Variants in DYNC1LI2 observed in about 807,000 individuals in gnomAD.
DYNC1LI2 encodes the protein cytoplasmic dynein 1 light intermediate chain 2.
A neutral mutation model predicts 57.8 loss-of-function variants in DYNC1LI2; 19 were observed. The ratio of observed to expected loss-of-function variants is 0.33; its 90% confidence interval spans 0.23 to 0.48. DYNC1LI2 has a LOEUF of 0.48. Among genes scored for constraint, DYNC1LI2 ranks in the 20% least tolerant of loss-of-function variants. The pLI, the probability that DYNC1LI2 is intolerant of heterozygous loss-of-function variation, is 0.99. For synonymous variants in DYNC1LI2, 256 were observed against 233.4 expected, an observed-to-expected ratio of 1.10 and a Z score of -0.88; for missense variants, 470 against 604.2, an observed-to-expected ratio of 0.78 and a Z score of 2.33.
chr16:66,751,193 G>A lies in DYNC1LI2; in HGVS notation c.181+80C>T. 5.4e-6 allele frequency: 8 copies of A among 1,478,172 alleles called. No individual in the cohort carries two copies. The highest frequency in any genetic ancestry group is 7.3e-6 in the Non-Finnish European group (8 of 1,091,948). 91.6% of individuals were successfully genotyped at this position (1,478,172 alleles called of 1,614,324 possible). A position where few individuals can be genotyped will look rare whatever the true frequency, so the allele number is the denominator to read the frequency against. Reference sequence around the variant, plus strand: ...GGCTGCGGGCAGGCGGCTGGAACGGGGAAGGCGGGGACCTGAGGGAGGGGC... The same window carrying A: ...GGCTGCGGGCAGGCGGCTGGAACGGAGAAGGCGGGGACCTGAGGGAGGGGC... On this transcript the variant is annotated intron_variant, in intron 2 of 12. Transcript: ENST00000258198. This position sits in a 1 kb window ranked among gnomAD's most constrained non-coding sequence, Gnocchi z 5.2.
At chr16:66,745,664 G>A (rs914241881) in intron 3 of DYNC1LI2, among the ~76,000 whole-genome samples, 2 of 151,830 alleles carry the variant, frequency 1.3e-5, no homozygotes, top group African/African-American at 4.8e-5. Context: ...AGCACTTTGG[G>A]AGTCTGAGGC....
chr16:66,728,704 A>G (rs980312537), intron 9 of DYNC1LI2, among the ~76,000 whole-genome samples: 5 of 152,230 alleles, frequency 3.3e-5, no homozygotes, highest in Non-Finnish European at 7.3e-5. Context: ...GTGAGGCTAC[A>G]TGAAATAATG....
intron 3 of DYNC1LI2, 24 bp downstream of exon 3, chr16:66,749,173 C>T (rs748704479): frequency 6.2e-7 from 1 of 1,611,720 alleles, no homozygotes; most frequent in Non-Finnish European, 8.5e-7. Flanking sequence ...CACCCCCTTA[C>T]CATGGGACCA....
rs950849997 is a variant in DYNC1LI2, at chr16:66,721,096, C to A, written c.*2626G>T. ...AATTTAGTATACAGACGACAGTGAA[C>A]TTTCACTTACAGCATTAACATTGTT... On this transcript the variant is annotated 3_prime_UTR_variant, in exon 13 of 13. Coordinates refer to ENST00000258198, the MANE Select transcript of DYNC1LI2 (RefSeq NM_006141.3). 6.6e-6 allele frequency: 1 copy of A among 152,642 alleles called. No individual in the cohort carries two copies. The allele number at this position is 152,642 out of a possible 1,614,324, so 9.5% of individuals were successfully genotyped here.
chr16:66,737,700 C>G (rs2017759796), intron 4 of DYNC1LI2, among the ~76,000 whole-genome samples: 1 of 152,098 alleles, frequency 6.6e-6, no homozygotes, highest in Non-Finnish European at 1.5e-5. Context: ...CCTATTCCTG[C>G]CTAACACAAG....
At chr16:66,728,665 G>C (rs1194632130) in intron 9 of DYNC1LI2, among the ~76,000 whole-genome samples, 1 of 152,150 alleles carries the variant, frequency 6.6e-6, no homozygotes, top group African/African-American at 2.4e-5. Flanking sequence ...TGCAAAACAG[G>C]CATCACCTGC....
intron 6 of DYNC1LI2, 192 bp downstream of exon 6, chr16:66,734,026 G>C: frequency 3.7e-6 from 2 of 547,544 alleles, no homozygotes; most frequent in South Asian, 4.8e-5. Flanking sequence ...AAATAAATGA[G>C]TGATCAAAGG....
At chr16:66,734,753 C>A (rs943527679) in intron 5 of DYNC1LI2, among the ~76,000 whole-genome samples, 1 of 151,704 alleles carries the variant, frequency 6.6e-6, no homozygotes, top group African/African-American at 2.4e-5. Flanking sequence ...TCCCAACACT[C>A]TGGGAGGTCA....
At position 66,727,705 on chromosome 16, in the gene DYNC1LI2, G is replaced by A. The variant is rs559287417; in HGVS notation, c.1244C>T (p.Pro415Leu). 6 of 1,614,012 alleles carry A rather than the reference G, an allele frequency of 3.7e-6. No homozygotes were observed. The highest frequency in any genetic ancestry group is 2.7e-5 in the African/African-American group (2 of 75,038). The change falls in exon 11 of 13, where the codon CCG (proline) becomes CTG (leucine). Residue 415 changes from proline (P) to leucine (L), a missense_variant. Transcript: ENST00000258198. Reference sequence around the variant, plus strand: ...ATACATACTTTTGATGTTTGGGTCCGGCTTTTTTACTGACGTGCCTGGGGA... The same window carrying A: ...ATACATACTTTTGATGTTTGGGTCCAGCTTTTTTACTGACGTGCCTGGGGA... ...SSSPGTSVKK[P>L]DPNIKNNAAS...
rs1363096251 is a variant in DYNC1LI2, at chr16:66,746,104, C to T, written c.298+3093G>A. 2.0e-5 allele frequency among the ~76,000 whole-genome samples: 3 copies of T among 152,172 alleles called. No homozygotes were observed. The South Asian group carries it at 6.2e-4, about 32-fold the overall frequency. ...GCAATACTTTCAAATTCTATTTTAG[C>T]GGCTTTAGTTTGGGTTCTGTGAATG... On this transcript the variant is annotated intron_variant, in intron 3 of 12. Coordinates refer to ENST00000258198, the MANE Select transcript of DYNC1LI2 (RefSeq NM_006141.3).
At chr16:66,740,721 C>A (rs780696230) in intron 4 of DYNC1LI2, among the ~76,000 whole-genome samples, 1 of 152,240 alleles carries the variant, frequency 6.6e-6, no homozygotes, top group Non-Finnish European at 1.5e-5. Flanking sequence ...CTGACTGGAA[C>A]ACGGATGTGA....
rs2144979290 is a variant in DYNC1LI2, at chr16:66,732,348, G to A, written c.920C>T (p.Ala307Val). Reference protein sequence around the residue: ...TTPALVVEKDAVFIPAGWDNE... With the variant: ...TTPALVVEKDVVFIPAGWDNE... Reference sequence around the variant, plus strand: ...GCTCAAAATAACTCACATAAAAACGGCATCCTTTTCCACAACTAAGGCAGG... The same window carrying A: ...GCTCAAAATAACTCACATAAAAACGACATCCTTTTCCACAACTAAGGCAGG... Residue 307 changes from alanine to valine, a missense_variant, in exon 7 of 13, where the codon GCC becomes GTC. Ala to Val is a moderately conservative substitution (Grantham distance 64). Coordinates refer to ENST00000258198, the MANE Select transcript of DYNC1LI2 (RefSeq NM_006141.3). 1.2e-6 allele frequency: 2 copies of A among 1,612,384 alleles called. No individual in the cohort carries two copies. Among genetic ancestry groups the A allele is most frequent in the Non-Finnish European group, 1.7e-6 (2 of 1,179,492 alleles).
chr16:66,740,121 A>G (rs991226707), intron 4 of DYNC1LI2, among the ~76,000 whole-genome samples: 4 of 152,194 alleles, frequency 2.6e-5, no homozygotes, highest in Non-Finnish European at 5.9e-5. Flanking sequence ...CTAAAGTACA[A>G]AAAAGCGCCA....
chr16:66,734,581 C>T (rs1247453395), intron 5 of DYNC1LI2, among the ~76,000 whole-genome samples: 1 of 151,946 alleles, frequency 6.6e-6, no homozygotes, highest in African/African-American at 2.4e-5. Context: ...CATCAGGAGG[C>T]AGGCCCGGTG....
intron 11 of DYNC1LI2, among the ~76,000 whole-genome samples, chr16:66,727,429 G>A (rs773290110): frequency 6.6e-6 from 1 of 152,172 alleles, no homozygotes; most frequent in East Asian, 1.9e-4. Flanking sequence ...CTGAAGGAAT[G>A]AGCAGGGCCT....
Position 66,747,591 on chromosome 16 carries a change from A to G in DYNC1LI2, c.298+1606T>C, listed in dbSNP as rs1268243403. 5.3e-5 allele frequency among the ~76,000 whole-genome samples: 8 copies of G among 150,442 alleles called. No individual in the cohort carries two copies. The South Asian group carries it at 1.3e-3, about 24-fold the overall frequency. ...GTAATTTTTTTTTTTTTTTTTTAAG[A>G]AGGAGTCTCGTTTTATCGCCTAGGC... On this transcript the variant is annotated intron_variant, in intron 3 of 12. Coordinates refer to ENST00000258198, the MANE Select transcript of DYNC1LI2 (RefSeq NM_006141.3).
In DYNC1LI2 at chr16:66,736,257, G is replaced by T. The variant is rs773190051; in HGVS notation, c.530-13C>A. The T allele has an allele frequency of 6.2e-7, 1 of 1,603,392 alleles. No individual in the cohort carries two copies. Among genetic ancestry groups the T allele is most frequent in the East Asian group, 2.2e-5 (1 of 44,756 alleles). On this transcript the variant is annotated splice_polypyrimidine_tract_variant and intron_variant, in intron 4 of 12. Coordinates refer to ENST00000258198, the MANE Select transcript of DYNC1LI2 (RefSeq NM_006141.3). ...AAATCTTTCACAACTGGGGGAAAAA[G>T]AGGAAAAAAAATCACATGCACATAA...
In DYNC1LI2 at chr16:66,723,086, C is replaced by T. The variant is rs948219484; in HGVS notation, c.*636G>A. 1 of 339,360 alleles carries T rather than the reference C, an allele frequency of 2.9e-6. No individual in the cohort carries two copies. Among genetic ancestry groups the T allele is most frequent in the Non-Finnish European group, 5.8e-6 (1 of 171,646 alleles). The allele number at this position is 339,360 out of a possible 1,614,324, so 21.0% of individuals were successfully genotyped here. A position where few individuals can be genotyped will look rare whatever the true frequency, so the allele number is the denominator to read the frequency against. On this transcript the variant is annotated 3_prime_UTR_variant, in exon 13 of 13. Transcript: ENST00000258198. ...GACTCAGGCACCCCCACAATTAGTA[C>T]ATCTTTCGTAAGTTAAAGATGCATT...
rs755964308 is a variant in DYNC1LI2, at chr16:66,749,242, C to T, written c.253G>A (p.Gly85Ser). ...QGAEHGKKGR[G>S]LEYLYLSVHD... Reference sequence around the variant, plus strand: ...ACACTGAGGTAGAGATATTCTAGGCCTCTTCCTTTTTTGCCATGCTCAGCT... The same window carrying T: ...ACACTGAGGTAGAGATATTCTAGGCTTCTTCCTTTTTTGCCATGCTCAGCT... The change falls in exon 3 of 13, where the codon GGC (glycine) becomes AGC (serine). Residue 85 changes from glycine to serine, a missense_variant. Gly to Ser is a moderately conservative substitution (Grantham distance 56). Coordinates refer to ENST00000258198, the MANE Select transcript of DYNC1LI2 (RefSeq NM_006141.3). 6.8e-6 allele frequency: 11 copies of T among 1,614,074 alleles called. No homozygotes were observed. In the Admixed American group the frequency reaches 1.5e-4, roughly 22 times the overall value.
Sources: gnomAD v4.1 joint callset for allele counts (sites outside exome capture counted in the v4.1 genomes callset) on GRCh38, gnomAD v4.1.1 for gene constraint, Gnocchi (gnomAD v3.1) non-coding constraint, MANE v1.5 for transcripts, NCBI Gene and HGNC (gene_info 2026-07-23, HGNC 2026-07-21) for gene names.